XPR1: variants seen among roughly 807,000 people sequenced by gnomAD.
XPR1 encodes solute carrier family 53 member 1.
In XPR1, 28 loss-of-function variants were observed where a neutral mutation model predicts 87.5. The observed-to-expected ratio is 0.32, with a 90% CI of 0.24 to 0.44. XPR1 has a LOEUF of 0.44. Among genes scored for constraint, XPR1 ranks in the 20% least tolerant of loss-of-function variants. The probability of loss-of-function intolerance (pLI) is 1.00; values close to 1 mark genes in which losing one functional copy is unlikely to be tolerated. For synonymous variants in XPR1, 300 were observed against 306.1 expected, an observed-to-expected ratio of 0.98 and a Z score of 0.21; for missense variants, 559 against 862.3, an observed-to-expected ratio of 0.65 and a Z score of 4.41.
chr1:180,656,633 GTATAA>G (rs1280594213), intron 1 of XPR1, among the ~76,000 whole-genome samples: 47 of 85,976 alleles, frequency 5.5e-4, no homozygotes, highest in African/African-American at 2.2e-3. Flanking sequence ...ATATATGTAT[GTATAA>G]TATATTATTA....
At chr1:180,812,135 T>G (rs1650241205) in intron 7 of XPR1, among the ~76,000 whole-genome samples, 1 of 151,598 alleles carries the variant, frequency 6.6e-6, no homozygotes, top group Non-Finnish European at 1.5e-5. Flanking sequence ...ACTTTGATTG[T>G]TTTTTCTGGA....
rs564234088 is a variant in XPR1, at chr1:180,720,039, G to T, written c.121+37628G>T. ...TCTAATTTTTTTTTCTTGGGGATTAGTAGAGCCAAAATATTTAGAATGGTT... is the reference window on the plus strand; with the variant it reads ...TCTAATTTTTTTTTCTTGGGGATTATTAGAGCCAAAATATTTAGAATGGTT... On this transcript the variant is annotated intron_variant, in intron 2 of 14. Transcript: ENST00000367590. Among the ~76,000 whole-genome samples, 22 of 152,032 alleles carry T rather than the reference G, an allele frequency of 1.4e-4. No homozygotes were observed. In the South Asian group the frequency reaches 2.7e-3, roughly 19 times the overall value.
chr1:180,815,147 T>A (rs1273843629), intron 7 of XPR1, among the ~76,000 whole-genome samples: 3 of 152,118 alleles, frequency 2.0e-5, no homozygotes, highest in Non-Finnish European at 4.4e-5. Context: ...TTTTTTTGTT[T>A]AATTTTCAAG....
At chr1:180,684,428 T>G (rs929873836) in intron 2 of XPR1, among the ~76,000 whole-genome samples, 3 of 152,184 alleles carry the variant, frequency 2.0e-5, no homozygotes, top group African/African-American at 7.2e-5. Flanking sequence ...GCGTGATGCC[T>G]CCGGCTTTCT....
intron 13 of XPR1, among the ~76,000 whole-genome samples, chr1:180,876,287 A>G (rs1436203081): frequency 6.6e-6 from 1 of 152,228 alleles, no homozygotes; most frequent in Non-Finnish European, 1.5e-5. Context: ...TCAACAATAT[A>G]TAAAAAGGGT....
At chr1:180,803,816 C>A (rs969836850) in intron 4 of XPR1, among the ~76,000 whole-genome samples, 3 of 152,058 alleles carry the variant, frequency 2.0e-5, no homozygotes, top group African/African-American at 7.2e-5. Flanking sequence ...TTTGAAGATT[C>A]ATATTCCAAA....
chr1:180,648,785 G>C (rs1301798963), intron 1 of XPR1, among the ~76,000 whole-genome samples: 1 of 152,076 alleles, frequency 6.6e-6, no homozygotes, highest in Non-Finnish European at 1.5e-5. Flanking sequence ...TGGAATTACA[G>C]GTGTAAGCCA....
chr1:180,743,547 T>TTA (rs915790738), intron 2 of XPR1, among the ~76,000 whole-genome samples: 24 of 152,076 alleles, frequency 1.6e-4, no homozygotes, highest in East Asian at 7.7e-4. Flanking sequence ...GAATAGTTCA[T>TTA]TATATATATA....
chr1:180,654,281 A>G (rs1356036214), intron 1 of XPR1, among the ~76,000 whole-genome samples: 1 of 152,144 alleles, frequency 6.6e-6, no homozygotes, highest in Non-Finnish European at 1.5e-5. Flanking sequence ...GCAAGTTGCT[A>G]GAGAGCAATA....
intron 2 of XPR1, among the ~76,000 whole-genome samples, chr1:180,697,652 T>C (rs114950918): frequency 6.6e-6 from 1 of 152,276 alleles, no homozygotes; most frequent in African/African-American, 2.4e-5. Flanking sequence ...GTGGTTCTAT[T>C]TTCACTTGTT....
In XPR1 at chr1:180,886,491, A is replaced by G. The variant is rs1000228166; in HGVS notation, c.*2425A>G. On this transcript the variant is annotated 3_prime_UTR_variant, in exon 15 of 15. Transcript: ENST00000367590. ...CTATGGCCAGTTTAGTCTTTCTTCA[A>G]CTGTTACAGTTCTAGGCCCTAATCG... 15 of 152,224 alleles carry G rather than the reference A, an allele frequency of 9.9e-5. No homozygotes were observed. Among genetic ancestry groups the G allele is most frequent in the African/African-American group, 1.7e-4 (7 of 41,442 alleles). The allele number at this position is 152,224 out of a possible 1,614,324, so 9.4% of individuals were successfully genotyped here. A position where few individuals can be genotyped will look rare whatever the true frequency, so the allele number is the denominator to read the frequency against.
At chr1:180,882,116 C>G (rs1248601714) in intron 14 of XPR1, among the ~76,000 whole-genome samples, 1 of 152,156 alleles carries the variant, frequency 6.6e-6, no homozygotes, top group African/African-American at 2.4e-5. Context: ...AGAGGGCAAT[C>G]TAAACATATA....
intron 2 of XPR1, among the ~76,000 whole-genome samples, chr1:180,703,562 A>G (rs1400734902): frequency 6.6e-6 from 1 of 152,174 alleles, no homozygotes; most frequent in Non-Finnish European, 1.5e-5. Context: ...GTCCTCAGTC[A>G]TCCTGATGAC....
chr1:180,706,625 T>TC (rs1231219472), intron 2 of XPR1, among the ~76,000 whole-genome samples: 1 of 151,884 alleles, frequency 6.6e-6, no homozygotes, highest in African/African-American at 2.4e-5. Flanking sequence ...TTTTTTTTTT[T>TC]CCCCGAGGCA....
At chr1:180,857,776 G>A (rs1419363812) in intron 11 of XPR1, among the ~76,000 whole-genome samples, 1 of 152,038 alleles carries the variant, frequency 6.6e-6, no homozygotes, top group Non-Finnish European at 1.5e-5. Context: ...GTATTTGTTT[G>A]CTGAATATAC....
intron 3 of XPR1, among the ~76,000 whole-genome samples, chr1:180,791,936 T>A (rs2102098212): frequency 6.6e-6 from 1 of 152,312 alleles, no homozygotes. Flanking sequence ...GACTTCCTGT[T>A]TTGTGTGTGT....
At chr1:180,816,973 G>A (rs1391462378) in intron 7 of XPR1, among the ~76,000 whole-genome samples, 7 of 152,148 alleles carry the variant, frequency 4.6e-5, no homozygotes, top group Non-Finnish European at 5.9e-5. Flanking sequence ...TTATTGCCCC[G>A]AAGACCTTCC....
intron 11 of XPR1, among the ~76,000 whole-genome samples, chr1:180,856,426 T>C (rs1166080011): frequency 1.3e-5 from 2 of 152,190 alleles, no homozygotes; most frequent in Admixed American, 1.3e-4. Context: ...GCTTCTAAAT[T>C]ATTTTGATGG....
intron 2 of XPR1, among the ~76,000 whole-genome samples, chr1:180,713,356 A>T (rs895528830): frequency 3.9e-5 from 6 of 152,220 alleles, no homozygotes; most frequent in African/African-American, 1.4e-4. Context: ...AAATTTGCTA[A>T]ACTCACTTTT....
Sources: allele counts gnomAD v4.1 joint callset (sites outside exome capture counted in the v4.1 genomes callset), GRCh38; gene constraint gnomAD v4.1.1; transcripts MANE v1.5; gene names NCBI Gene and HGNC (gene_info 2026-07-23, HGNC 2026-07-21).